CDC73: variants seen among roughly 807,000 people sequenced by gnomAD.
CDC73 encodes parafibromin.
CDC73 carries 21 observed loss-of-function variants against 83.7 expected under a neutral mutation model. The ratio of observed to expected loss-of-function variants is 0.25; its 90% confidence interval spans 0.18 to 0.36. CDC73 has a LOEUF of 0.36. CDC73 is among the 10% of genes least tolerant of loss of function. CDC73 has a pLI of 1.00. For synonymous variants in CDC73, 224 were observed against 212.9 expected (o/e 1.05, Z -0.45); for missense variants, 342 against 653.3 (o/e 0.52, Z 5.19).
intron 15 of CDC73, among the ~76,000 whole-genome samples, chr1:193,237,730 G>A (rs1189696684): frequency 6.6e-6 from 1 of 152,096 alleles, no homozygotes; most frequent in African/African-American, 2.4e-5. Context: ...CAGGGCTGCG[G>A]CTGCTGTGAC....
At chr1:193,221,310 T>G (rs541968646) in intron 13 of CDC73, among the ~76,000 whole-genome samples, 16 of 152,340 alleles carry the variant, frequency 1.1e-4, no homozygotes, top group African/African-American at 3.8e-4. Flanking sequence ...CCTTTTTTGA[T>G]ACATAGTAGT....
At chr1:193,214,018 T>C (rs1170075418) in intron 13 of CDC73, among the ~76,000 whole-genome samples, 2 of 152,202 alleles carry the variant, frequency 1.3e-5, no homozygotes, top group Admixed American at 6.5e-5. Context: ...TCCCCGACAT[T>C]TGATTGGAAA....
Position 193,233,105 on chromosome 1 carries a change from G to A in CDC73, c.1267G>A (p.Val423Ile), listed in dbSNP as rs1677690129. The A allele has an allele frequency of 6.2e-7, 1 of 1,613,506 alleles. No homozygotes were observed. The highest frequency in any genetic ancestry group is 1.3e-5 in the African/African-American group (1 of 74,916). Residue 423 changes from valine to isoleucine, a missense_variant, in exon 14 of 17, where the codon GTA (valine) becomes ATA (isoleucine). By Grantham distance (29) the Val-to-Ile change is conservative. This residue lies in a region of CDC73 where 239 missense variants were observed against 420.6 expected (regional missense o/e 0.57). Coordinates refer to ENST00000367435, the MANE Select transcript of CDC73 (RefSeq NM_024529.5). ...AGGGGGCACTGCAATTAGTGTTACA[G>A]TACCTTATAGAGTAGTAGACCAGCC... ...QPGGTAISVT[V>I]PYRVVDQPLK...
intron 10 of CDC73, among the ~76,000 whole-genome samples, chr1:193,160,857 T>C (rs1033868650): frequency 6.6e-6 from 1 of 152,076 alleles, no homozygotes; most frequent in Non-Finnish European, 1.5e-5. Context: ...TTTGGGTATG[T>C]CCTTGATGGG....
At chr1:193,212,653 G>A (rs886735856) in intron 13 of CDC73, among the ~76,000 whole-genome samples, 176 bp downstream of exon 13, 1 of 152,050 alleles carries the variant, frequency 6.6e-6, no homozygotes, top group African/African-American at 2.4e-5. Context: ...TTTTATATTT[G>A]GATCCTTTAG....
chr1:193,213,496 G>A (rs1318518610), intron 13 of CDC73, among the ~76,000 whole-genome samples: 1 of 152,060 alleles, frequency 6.6e-6, no homozygotes, highest in Non-Finnish European at 1.5e-5. Context: ...TGAAATAGGG[G>A]ATAGAAAATG....
chr1:193,186,277 G>A (rs1676804911), intron 10 of CDC73: 1 of 152,342 alleles, frequency 6.6e-6, no homozygotes, highest in Non-Finnish European at 1.5e-5. Context: ...CAAAAGAGCT[G>A]TAGTTGCCCG....
chr1:193,189,334 GT>G (rs1245905036), intron 10 of CDC73, among the ~76,000 whole-genome samples: 2 of 152,148 alleles, frequency 1.3e-5, no homozygotes, highest in Admixed American at 1.3e-4. Flanking sequence ...TGAGATAAAA[GT>G]TCCTTTAGTA....
intron 15 of CDC73, among the ~76,000 whole-genome samples, chr1:193,249,374 G>A (rs923243664): frequency 2.6e-5 from 4 of 151,976 alleles, no homozygotes; most frequent in African/African-American, 9.7e-5. Flanking sequence ...TTATAAAAAT[G>A]CAATGAGGTA....
At chr1:193,219,578 G>C (rs1472734395) in intron 13 of CDC73, among the ~76,000 whole-genome samples, 3 of 152,104 alleles carry the variant, frequency 2.0e-5, no homozygotes, top group Non-Finnish European at 4.4e-5. Flanking sequence ...ACAAAACCAT[G>C]TCCTTTGCAG....
At chr1:193,201,184 A>C (rs1375784697) in intron 10 of CDC73, among the ~76,000 whole-genome samples, 1 of 152,148 alleles carries the variant, frequency 6.6e-6, no homozygotes, top group Non-Finnish European at 1.5e-5. Context: ...AGACAAAATT[A>C]GGTAACATTT....
Position 193,123,502 on chromosome 1 carries a change from C to T in CDC73, c.131+1171C>T, listed in dbSNP as rs181694783. Among the ~76,000 whole-genome samples, 18 of 152,352 alleles carry T rather than the reference C, an allele frequency of 1.2e-4. No homozygotes were observed. In the East Asian group the frequency reaches 3.3e-3, roughly 28 times the overall value. On this transcript the variant is annotated intron_variant, in intron 1 of 16. Coordinates refer to ENST00000367435, the MANE Select transcript of CDC73 (RefSeq NM_024529.5). ...TCCACTTCCCAAAGTGCTTGGATTA[C>T]AGGCGTGAGCCACGGCGCCCTGCCT...
chr1:193,135,498 C>T (rs764670050), intron 4 of CDC73, 39 bp from the exon 5 acceptor site: 48 of 1,609,200 alleles, frequency 3.0e-5, no homozygotes, highest in Non-Finnish European at 4.0e-5. Flanking sequence ...GAAGCCCATT[C>T]CAAAACTACA....
intron 10 of CDC73, among the ~76,000 whole-genome samples, chr1:193,156,186 A>T (rs1045024947): frequency 6.6e-6 from 1 of 152,214 alleles, no homozygotes; most frequent in African/African-American, 2.4e-5. Context: ...AAATAATCAG[A>T]TGGTGATCAC....
In CDC73 at chr1:193,122,344, T is replaced by C. The variant is rs1202983809; in HGVS notation, c.131+13T>C. The C allele has an allele frequency of 6.2e-7, 1 of 1,614,008 alleles. No homozygotes were observed. On this transcript the variant is annotated intron_variant, in intron 1 of 16. Transcript: ENST00000367435. ...ATGTTGTTTGGGGGTAAGTCCGGCA[T>C]GGCTGTGGCCCAGGGGTGGCAGGGC...
rs573050388 is a variant in CDC73 at position 193,226,151 on chromosome 1, T to A, written c.1155-6842T>A. Among the ~76,000 whole-genome samples, 6 of 152,316 alleles carry A rather than the reference T, an allele frequency of 3.9e-5. No individual in the cohort carries two copies. In the South Asian group the frequency reaches 1.2e-3, roughly 32 times the overall value. ...TCTCCTACATGTGACTTGCCAATTA[T>A]CCCAGCACCATATGTTGAATAGGTT... On this transcript the variant is annotated intron_variant, in intron 13 of 16. Transcript: ENST00000367435.
At chr1:193,136,136 T>C (rs1675795184) in intron 5 of CDC73, among the ~76,000 whole-genome samples, 1 of 152,222 alleles carries the variant, frequency 6.6e-6, no homozygotes, top group Admixed American at 6.5e-5. Flanking sequence ...TTAGGCCTTA[T>C]GGGCCATACA....
chr1:193,201,427 C>T (rs1168169575), intron 10 of CDC73, among the ~76,000 whole-genome samples: 1 of 152,172 alleles, frequency 6.6e-6, no homozygotes, highest in Non-Finnish European at 1.5e-5. Context: ...GCATTTTCTC[C>T]ATGAGTCAAG....
intron 10 of CDC73, among the ~76,000 whole-genome samples, chr1:193,178,401 CT>C (rs1676649391): frequency 6.6e-6 from 1 of 152,056 alleles, no homozygotes; most frequent in South Asian, 2.1e-4. Flanking sequence ...TTTTAAAAAA[CT>C]TTTTCCAGAT....
Sources: allele counts gnomAD v4.1 joint callset (sites outside exome capture counted in the v4.1 genomes callset), GRCh38; gene constraint gnomAD v4.1.1; regional missense constraint gnomAD v4.1.1; transcripts MANE v1.5; gene names NCBI Gene and HGNC (gene_info 2026-07-23, HGNC 2026-07-21).